The following ZNF362 variants were observed in gnomAD, a reference collection of about 807,000 sequenced individuals.
ZNF362 encodes the protein zinc finger protein 362.
ZNF362 carries 11 observed loss-of-function variants against 42.9 expected under a neutral mutation model. That is an observed-to-expected ratio of 0.26 (90% confidence interval 0.16 to 0.42). The LOEUF is 0.42. Ranked by LOEUF, ZNF362 falls within the 20% of genes least tolerant of loss-of-function variation. The pLI, the probability that ZNF362 is intolerant of heterozygous loss-of-function variation, is 1.00. For missense variants in ZNF362, 362 were observed against 576.2 expected, an observed-to-expected ratio of 0.63 and a Z score of 3.81; for synonymous variants, 255 against 257.3, an observed-to-expected ratio of 0.99 and a Z score of 0.09.
the ZNF362 span, among the ~76,000 whole-genome samples, chr1:33,227,830 A>G: frequency 4.0e-5 from 6 of 150,036 alleles, no homozygotes; most frequent in African/African-American, 9.8e-5. Flanking sequence ...GAGAAGCCAG[A>G]TGGTGCTCAG....
At chr1:33,245,371 C>T in the ZNF362 span, among the ~76,000 whole-genome samples, 1 of 151,992 alleles carries the variant, frequency 6.6e-6, no homozygotes, top group East Asian at 1.9e-4. Context: ...CTGATCCATG[C>T]CTAATCCTGA....
At chr1:33,176,582 G>T in the ZNF362 span, 1 of 541,554 alleles carries the variant, frequency 1.8e-6, no homozygotes, top group South Asian at 2.3e-5. Flanking sequence ...CGTCTGCTCT[G>T]ACCAAGATGA....
chr1:33,262,298 T>G (rs1645833408), intron 1 of ZNF362, among the ~76,000 whole-genome samples: 1 of 2,000 alleles, frequency 5.0e-4, no homozygotes. Context: ...TTTAGGATTC[T>G]TTTTTTTTTT....
the ZNF362 span, among the ~76,000 whole-genome samples, chr1:33,207,856 A>G: frequency 6.6e-6 from 1 of 152,280 alleles, no homozygotes; most frequent in South Asian, 2.1e-4. Context: ...GCCCTTTGTC[A>G]GATGGATAGA....
the ZNF362 span, among the ~76,000 whole-genome samples, chr1:33,210,357 T>C: frequency 2.0e-5 from 3 of 152,348 alleles, no homozygotes; most frequent in East Asian, 5.8e-4. Flanking sequence ...ATGAGGTCAA[T>C]TTTAGAATAA....
the ZNF362 span, among the ~76,000 whole-genome samples, chr1:33,230,318 A>T: frequency 6.6e-6 from 1 of 152,184 alleles, no homozygotes. Flanking sequence ...CTTATGCTGT[A>T]CAGGAACCAT....
In ZNF362 at chr1:33,294,007, T is replaced by G. The variant is rs146887002; in HGVS notation, c.909-930T>G. 1.3e-5 allele frequency among the ~76,000 whole-genome samples: 2 copies of G among 152,356 alleles called. No homozygotes were observed. The highest frequency in any genetic ancestry group is 1.3e-4 in the Admixed American group (2 of 15,302). On this transcript the variant is annotated intron_variant, in intron 6 of 8. Coordinates refer to ENST00000539719, the MANE Select transcript of ZNF362 (RefSeq NM_152493.3). The surrounding 1 kb of genome is among the most constrained non-coding windows in gnomAD (Gnocchi z 4.2). ...TTTTCCCACAGAACTTACTACCTTC[T>G]ACATGTGATTTACTTATTTCACGCT...
the ZNF362 span, among the ~76,000 whole-genome samples, chr1:33,233,514 C>T: frequency 2.0e-5 from 3 of 152,116 alleles, no homozygotes; most frequent in African/African-American, 7.2e-5. Flanking sequence ...AGCAATCTTC[C>T]TGCCTCAGCC....
the ZNF362 span, among the ~76,000 whole-genome samples, chr1:33,135,516 C>T: frequency 0.18 from 27,826 of 152,188 alleles, 3,029 homozygotes; most frequent in South Asian, 0.29. Context: ...CTCACAGCAA[C>T]CCAGCAAGGC....
chr1:33,208,971 T>C, the ZNF362 span, among the ~76,000 whole-genome samples: 1 of 151,984 alleles, frequency 6.6e-6, no homozygotes, highest in South Asian at 2.1e-4. Flanking sequence ...TGAATAGGAG[T>C]GGTGAGAGAG....
the ZNF362 span, among the ~76,000 whole-genome samples, chr1:33,136,327 TTTCC>T: frequency 4.5e-3 from 679 of 149,520 alleles, 16 homozygotes; most frequent in East Asian, 0.083. Context: ...TTTTTCTTTC[TTTCC>T]TTCCTTCCTT....
chr1:33,280,349 G>T lies in ZNF362; in HGVS notation c.575G>T (p.Arg192Leu). The T allele has an allele frequency of 1.2e-6, 2 of 1,614,012 alleles. No homozygotes were observed. Among genetic ancestry groups the T allele is most frequent in the Non-Finnish European group, 1.7e-6 (2 of 1,179,954 alleles). The change falls in exon 5 of 9, where the codon CGC becomes CTC. Residue 192 changes from arginine (R) to leucine (L), a missense_variant. Coordinates refer to ENST00000539719, the MANE Select transcript of ZNF362 (RefSeq NM_152493.3). This position sits in a 1 kb window ranked among gnomAD's most constrained non-coding sequence, Gnocchi z 5.6. ...HGLLGPPKSE[R>L]GRKKIKAENP... is the part of the protein sequence containing the mutation. ...CTGCTTGGCCCCCCCAAGTCCGAAC[G>T]CGGCCGCAAAAAGATCAAGGCGGAG...
the ZNF362 span, among the ~76,000 whole-genome samples, chr1:33,175,206 ATT>A: frequency 5.0e-4 from 71 of 142,632 alleles, no homozygotes; most frequent in African/African-American, 1.6e-3. Context: ...TGCCCAGCTA[ATT>A]TTTTTTTTTT....
the ZNF362 span, among the ~76,000 whole-genome samples, chr1:33,224,408 G>T: frequency 9.2e-5 from 14 of 152,264 alleles, no homozygotes; most frequent in African/African-American, 3.4e-4. Flanking sequence ...GAGTGTAAAG[G>T]ATGCAAAAAT....
chr1:33,193,004 C>CACACATATATATATAT, the ZNF362 span, among the ~76,000 whole-genome samples: 3 of 137,198 alleles, frequency 2.2e-5, no homozygotes, highest in Admixed American at 7.5e-5. Context: ...CACACACACA[C>CACACATATATATATAT]ATATATATAT....
chr1:33,243,329 G>A, the ZNF362 span, among the ~76,000 whole-genome samples: 4 of 151,202 alleles, frequency 2.6e-5, no homozygotes, highest in South Asian at 2.1e-4. Context: ...TGCACCCGCC[G>A]CACCACCCGG....
At chr1:33,141,658 C>T in the ZNF362 span, among the ~76,000 whole-genome samples, 1 of 152,190 alleles carries the variant, frequency 6.6e-6, no homozygotes, top group Admixed American at 6.5e-5. Flanking sequence ...ACCCTTCCCC[C>T]TCTTCATCTA....
the ZNF362 span, among the ~76,000 whole-genome samples, chr1:33,233,785 G>A: frequency 1.3e-5 from 2 of 152,160 alleles, no homozygotes; most frequent in African/African-American, 2.4e-5. Flanking sequence ...TGGCAGGGTA[G>A]TGCAGTGCCG....
the ZNF362 span, among the ~76,000 whole-genome samples, chr1:33,130,891 G>A: frequency 6.6e-6 from 1 of 152,150 alleles, no homozygotes; most frequent in Non-Finnish European, 1.5e-5. Flanking sequence ...GATATGTCTG[G>A]AAAAAGAACA....
Sources: gnomAD v4.1 joint callset for allele counts (sites outside exome capture counted in the v4.1 genomes callset) on GRCh38, gnomAD v4.1.1 for gene constraint, Gnocchi (gnomAD v3.1) non-coding constraint, MANE v1.5 for transcripts, NCBI Gene and HGNC (gene_info 2026-07-23, HGNC 2026-07-21) for gene names.